Variants in PIAS2 observed in about 807,000 individuals in gnomAD.
The protein encoded by PIAS2 is protein inhibitor of activated STAT 2.
PIAS2 carries 19 observed loss-of-function variants against 69.7 expected under a neutral mutation model. That is an observed-to-expected ratio of 0.27 (90% CI 0.19 to 0.40). The LOEUF (loss-of-function observed/expected upper bound fraction) is 0.40. PIAS2 is among the 10% of genes least tolerant of loss of function. PIAS2 has a pLI of 1.00. For missense variants in PIAS2, 624 were observed against 757.0 expected, an observed-to-expected ratio of 0.82 and a Z score of 2.06; for synonymous variants, 261 against 263.2, an observed-to-expected ratio of 0.99 and a Z score of 0.08.
At chr18:46,813,899 G>A (rs1477844572) in intron 13 of PIAS2, among the ~76,000 whole-genome samples, 1 of 152,176 alleles carries the variant, frequency 6.6e-6, no homozygotes, top group Non-Finnish European at 1.5e-5. Context: ...TCTAAAGATG[G>A]TTGAATTGTC....
chr18:46,881,799 C>T (rs989634039), intron 2 of PIAS2, among the ~76,000 whole-genome samples: 5 of 152,322 alleles, frequency 3.3e-5, no homozygotes, highest in Middle Eastern at 3.4e-3. Context: ...GGCTTCTCCA[C>T]AATTAAGAAT....
At chr18:46,914,508 GA>G (rs1311343428) in intron 1 of PIAS2, among the ~76,000 whole-genome samples, 1 of 151,962 alleles carries the variant, frequency 6.6e-6, no homozygotes, top group Non-Finnish European at 1.5e-5. Flanking sequence ...CTCCAAAACT[GA>G]AATAGTCAGG....
intron 12 of PIAS2, chr18:46,816,734 C>G: frequency 1.1e-6 from 1 of 923,884 alleles, no homozygotes; most frequent in Non-Finnish European, 1.3e-6. Flanking sequence ...TCCCAAAGTG[C>G]TGGGATTACA....
At chr18:46,890,208 G>T (rs546501118) in intron 2 of PIAS2, among the ~76,000 whole-genome samples, 1 of 152,194 alleles carries the variant, frequency 6.6e-6, no homozygotes, top group Non-Finnish European at 1.5e-5. Flanking sequence ...GAAGGCTATT[G>T]TTTAATGGGT....
chr18:46,820,509 C>A (rs1026531277), intron 12 of PIAS2, among the ~76,000 whole-genome samples: 1 of 152,070 alleles, frequency 6.6e-6, no homozygotes, highest in Admixed American at 6.6e-5. Flanking sequence ...TAGACTCTAT[C>A]TTTGTAAGGA....
intron 2 of PIAS2, among the ~76,000 whole-genome samples, chr18:46,886,763 G>A (rs1372304754): frequency 1.3e-5 from 2 of 152,054 alleles, no homozygotes; most frequent in Non-Finnish European, 2.9e-5. Flanking sequence ...CTTGAACCCG[G>A]GGAAGTGGAG....
intron 1 of PIAS2, among the ~76,000 whole-genome samples, chr18:46,894,897 C>G (rs1024087531): frequency 6.6e-6 from 1 of 151,570 alleles, no homozygotes; most frequent in East Asian, 1.9e-4. Flanking sequence ...ACGGTGAAAC[C>G]CCGTCTCTAC....
intron 9 of PIAS2, among the ~76,000 whole-genome samples, chr18:46,832,483 G>A (rs557333711): frequency 8.6e-5 from 13 of 152,004 alleles, no homozygotes; most frequent in African/African-American, 2.9e-4. Flanking sequence ...CCAAAGAAAC[G>A]TACAGATGGA....
At chr18:46,885,650 C>A (rs1326839230) in intron 2 of PIAS2, among the ~76,000 whole-genome samples, 1 of 151,944 alleles carries the variant, frequency 6.6e-6, no homozygotes, top group East Asian at 1.9e-4. Context: ...CGCCACTGCA[C>A]TCCAGCCTGG....
chr18:46,816,971 C>A (rs1052935328), intron 12 of PIAS2: 2 of 936,668 alleles, frequency 2.1e-6, no homozygotes, highest in African/African-American at 3.6e-5. Flanking sequence ...CCAAACAATT[C>A]AAAATTTGTC....
chr18:46,844,380 C>T (rs962175126), intron 7 of PIAS2, among the ~76,000 whole-genome samples: 1 of 151,988 alleles, frequency 6.6e-6, no homozygotes, highest in Non-Finnish European at 1.5e-5. Context: ...GACTTAAGAA[C>T]AAAACAACAA....
chr18:46,819,484 T>A (rs960670633), intron 12 of PIAS2, among the ~76,000 whole-genome samples: 1 of 152,132 alleles, frequency 6.6e-6, no homozygotes, highest in Admixed American at 6.6e-5. Context: ...ATGGATACTA[T>A]AAAATGTCTA....
Position 46,890,839 on chromosome 18 carries a change from T to G in PIAS2, c.240A>C (p.Ser80=), listed in dbSNP as rs748055462. The part of the protein sequence containing the change: ...EGLSDLSTIK[S]SVFSLDGGSS... ...AGCCACCATCCAAACTGAAAACCGATGATTTGATTGTGGATAAATCAGAAA... is the reference window on the plus strand; with the variant it reads ...AGCCACCATCCAAACTGAAAACCGAGGATTTGATTGTGGATAAATCAGAAA... The change falls in exon 2 of 14, where the codon TCA becomes TCC. Residue 80 remains serine (S), a synonymous_variant. Transcript: ENST00000585916. 1 of 1,614,086 alleles carries G rather than the reference T, an allele frequency of 6.2e-7. No homozygotes were observed. Among genetic ancestry groups the G allele is most frequent in the African/African-American group, 1.3e-5 (1 of 74,926 alleles).
chr18:46,829,448 T>G (rs970993445), intron 10 of PIAS2, among the ~76,000 whole-genome samples: 4 of 152,224 alleles, frequency 2.6e-5, no homozygotes, highest in Non-Finnish European at 5.9e-5. Context: ...TATAAATTCA[T>G]TTGTGACTTT....
At position 46,812,618 on chromosome 18, in the gene PIAS2, T is replaced by G. The variant is rs1568330816; in HGVS notation, c.1687-6A>C. ...AAAAACATAGGAGGACAGTACTGCTTGAAACAAACAATGATGCCAATGAGG... is the reference window on the plus strand; with the variant it reads ...AAAAACATAGGAGGACAGTACTGCTGGAAACAAACAATGATGCCAATGAGG... On this transcript the variant is annotated splice_region_variant and splice_polypyrimidine_tract_variant and intron_variant, in intron 13 of 13. Transcript: ENST00000585916. 6.3e-7 allele frequency: 1 copy of G among 1,584,444 alleles called. No homozygotes were observed. The highest frequency in any genetic ancestry group is 2.2e-5 in the East Asian group (1 of 44,584).
intron 12 of PIAS2, chr18:46,817,284 A>T (rs2041663321): frequency 1.0e-6 from 1 of 985,110 alleles, no homozygotes; most frequent in African/African-American, 1.7e-5. Context: ...TGTGTACTGA[A>T]GCCAAGCCAC....
At chr18:46,917,122 G>A (rs931817847) in intron 1 of PIAS2, 200 bp downstream of exon 1, 4 of 995,024 alleles carry the variant, frequency 4.0e-6, no homozygotes, top group Middle Eastern at 5.1e-4. Flanking sequence ...CAGGCCCGCC[G>A]CCCCCGCGCC....
intron 12 of PIAS2, chr18:46,817,580 T>C (rs2041695708): frequency 1.1e-6 from 1 of 921,980 alleles, no homozygotes; most frequent in Admixed American, 6.2e-5. Flanking sequence ...ATCTGTATAT[T>C]GATACCTCAT....
intron 12 of PIAS2, chr18:46,817,639 C>T: frequency 1.0e-6 from 1 of 966,472 alleles, no homozygotes; most frequent in Non-Finnish European, 1.2e-6. Context: ...AATAAAATAC[C>T]TAGAAATTTT....
Sources: allele counts gnomAD v4.1 joint callset (sites outside exome capture counted in the v4.1 genomes callset), GRCh38; gene constraint gnomAD v4.1.1; transcripts MANE v1.5; gene names NCBI Gene and HGNC (gene_info 2026-07-23, HGNC 2026-07-21).